Variants in NLRP14 observed in about 807,000 individuals in gnomAD.
NLRP14 encodes NLR family pyrin domain containing 14, also known as NACHT, LRR and PYD domains-containing protein 14.
Under a neutral mutation model 94.7 loss-of-function variants are expected in NLRP14, and 105 were observed. The ratio of observed to expected loss-of-function variants is 1.11; its 90% CI spans 0.95 to 1.30. NLRP14 has a LOEUF of 1.30. NLRP14 is among the 50% of genes most tolerant of loss of function. NLRP14 has a pLI of 0.00. For missense variants in NLRP14, 1,362 were observed against 1,254.1 expected, an observed-to-expected ratio of 1.09 and a Z score of -1.30; for synonymous variants, 508 against 459.9, an observed-to-expected ratio of 1.10 and a Z score of -1.34.
At chr11:7,053,420 A>G (rs1852470528) in intron 6 of NLRP14, among the ~76,000 whole-genome samples, 1 of 150,186 alleles carries the variant, frequency 6.7e-6, no homozygotes, top group Non-Finnish European at 1.5e-5. Flanking sequence ...GTTTATAAAG[A>G]TGCTCATCAT....
chr11:7,051,401 A>G (rs1337421325), intron 6 of NLRP14, among the ~76,000 whole-genome samples: 2 of 152,192 alleles, frequency 1.3e-5, no homozygotes, highest in East Asian at 1.9e-4. Context: ...TAGACCATGC[A>G]CAAGTTTTTA....
chr11:7,028,703 T>C (rs904811673), intron 1 of NLRP14, among the ~76,000 whole-genome samples: 5 of 152,174 alleles, frequency 3.3e-5, no homozygotes, highest in African/African-American at 4.8e-5. Flanking sequence ...TTTCGCTGCC[T>C]TATCCCATAT....
At chr11:7,066,120 T>A (rs1852702730) in intron 10 of NLRP14, among the ~76,000 whole-genome samples, 1 of 152,232 alleles carries the variant, frequency 6.6e-6, no homozygotes, top group Admixed American at 6.5e-5. Flanking sequence ...GATTGGCATT[T>A]GGGTTGGTTC....
the NLRP14 span, chr11:7,089,332 G>C: frequency 6.2e-7 from 1 of 1,607,696 alleles, no homozygotes; most frequent in South Asian, 1.1e-5. Context: ...GACATGAACG[G>C]CAAGTCCCTG....
chr11:7,089,435 G>A, the NLRP14 span: 67 of 1,545,142 alleles, frequency 4.3e-5, no homozygotes, highest in East Asian at 1.3e-3. Flanking sequence ...GCGGTCGCCC[G>A]AGGTTCCTGC....
Position 7,060,056 on chromosome 11 carries a change from G to C in NLRP14, c.2796G>C (p.Gln932His), listed in dbSNP as rs760017622. The C allele has an allele frequency of 6.2e-7, 1 of 1,612,320 alleles. No homozygotes were observed. Among genetic ancestry groups the C allele is most frequent in the Non-Finnish European group, 8.5e-7 (1 of 1,178,638 alleles). ...TTCGGCATCCAAGCTGTAATCTTCA[G>C]GACTTGGAGTAGGTTTTCTGTTGCT... ...DVFRHPSCNL[Q>H]DLELMGCVLT... is the part of the protein sequence containing the mutation. The change falls in exon 9 of 12, where the codon CAG becomes CAC. Residue 932 changes from glutamine to histidine, a missense_variant. Transcript: ENST00000299481.
downstream of NLRP14, among the ~76,000 whole-genome samples, chr11:7,073,563 C>A (rs1200780418): frequency 6.6e-6 from 1 of 152,128 alleles, no homozygotes; most frequent in African/African-American, 2.4e-5. Context: ...ATTTGAAGTA[C>A]CAATTGCAAG....
At chr11:7,041,708 G>A (rs10160603) in intron 3 of NLRP14, among the ~76,000 whole-genome samples, 93,789 of 151,554 alleles carry the variant, frequency 0.62, 29,295 homozygotes, top group East Asian at 0.74. Flanking sequence ...CATGTACTGT[G>A]AATGAAAAAT....
At chr11:7,063,658 A>G (rs1215782143) in intron 10 of NLRP14, among the ~76,000 whole-genome samples, 1 of 152,060 alleles carries the variant, frequency 6.6e-6, no homozygotes, top group East Asian at 1.9e-4. Flanking sequence ...TTTCACATAA[A>G]TATGCTACTC....
the NLRP14 span, among the ~76,000 whole-genome samples, chr11:7,085,044 T>C: frequency 4.6e-5 from 7 of 152,222 alleles, no homozygotes; most frequent in African/African-American, 1.7e-4. Context: ...AAAATACATA[T>C]AACTGTGTTC....
At chr11:7,028,827 G>C (rs1366932769) in intron 1 of NLRP14, among the ~76,000 whole-genome samples, 2 of 151,910 alleles carry the variant, frequency 1.3e-5, no homozygotes, top group African/African-American at 4.8e-5. Context: ...TTTAGGTACT[G>C]AGAATTAAAA....
At chr11:7,052,494 A>G (rs1032868549) in intron 6 of NLRP14, among the ~76,000 whole-genome samples, 1 of 152,156 alleles carries the variant, frequency 6.6e-6, no homozygotes, top group Non-Finnish European at 1.5e-5. Flanking sequence ...CTAACTGGGC[A>G]TGGTGATGCG....
chr11:7,053,516 A>G (rs1198748209), intron 6 of NLRP14, among the ~76,000 whole-genome samples: 1 of 150,422 alleles, frequency 6.6e-6, no homozygotes, highest in Non-Finnish European at 1.5e-5. Context: ...TAATATGTCT[A>G]CAGGAGAATT....
chr11:7,079,834 G>C, the NLRP14 span, among the ~76,000 whole-genome samples: 5 of 152,186 alleles, frequency 3.3e-5, no homozygotes, highest in African/African-American at 1.2e-4. Flanking sequence ...CATTGGCTAG[G>C]GTTGGACCCC....
chr11:7,076,428 T>G (rs1852874346), downstream of NLRP14, among the ~76,000 whole-genome samples: 1 of 152,240 alleles, frequency 6.6e-6, no homozygotes, highest in Admixed American at 6.5e-5. Context: ...AAATTTATTC[T>G]GTTAGTATGC....
intron 1 of NLRP14, 140 bp from the exon 2 acceptor site, chr11:7,038,426 G>C: frequency 1.5e-6 from 1 of 672,638 alleles, no homozygotes; most frequent in Admixed American, 2.4e-5. Flanking sequence ...GAGGACACTA[G>C]GTCAGTACCG....
At chr11:7,057,946 C>T in intron 7 of NLRP14, 99 bp downstream of exon 7, 1 of 969,022 alleles carries the variant, frequency 1.0e-6, no homozygotes, top group South Asian at 1.3e-5. Context: ...TTGGCACTAA[C>T]TGGCTCGTTT....
the NLRP14 span, among the ~76,000 whole-genome samples, chr11:7,085,776 T>A: frequency 7.5e-4 from 114 of 152,298 alleles, no homozygotes; most frequent in African/African-American, 2.7e-3. Context: ...CAGAAATAGT[T>A]TTTATAAGGT....
At chr11:7,076,784 G>A in the NLRP14 span, among the ~76,000 whole-genome samples, 1,232 of 152,132 alleles carry the variant, frequency 8.1e-3, 14 homozygotes, top group African/African-American at 0.028. Flanking sequence ...CAGAAACCAT[G>A]AGCCTTTTCT....
Sources: gnomAD v4.1 joint callset for allele counts (sites outside exome capture counted in the v4.1 genomes callset) on GRCh38, gnomAD v4.1.1 for gene constraint, MANE v1.5 for transcripts, NCBI Gene and HGNC (gene_info 2026-07-23, HGNC 2026-07-21) for gene names.